PPP4R1: variants seen among roughly 807,000 people sequenced by gnomAD.
The protein encoded by PPP4R1 is protein phosphatase 4 regulatory subunit 1.
PPP4R1 carries 42 observed loss-of-function variants against 111.2 expected under a neutral mutation model. The observed-to-expected ratio is 0.38, with a 90% confidence interval of 0.29 to 0.49. PPP4R1 has a LOEUF of 0.49. Among genes scored for constraint, PPP4R1 ranks in the 20% least tolerant of loss-of-function variants. The probability of loss-of-function intolerance (pLI) is 0.97; values close to 1 mark genes in which losing one functional copy is unlikely to be tolerated. For missense variants in PPP4R1, 1,012 were observed against 1,161.6 expected (o/e 0.87, Z 1.87); for synonymous variants, 409 against 405.5 (o/e 1.01, Z -0.10).
chr18:9,565,928 T>A (rs2066757604), intron 11 of PPP4R1, among the ~76,000 whole-genome samples: 1 of 152,088 alleles, frequency 6.6e-6, no homozygotes, highest in Admixed American at 6.5e-5. Context: ...TTTTTTTTTT[T>A]GAGATGGAGT....
intron 11 of PPP4R1, among the ~76,000 whole-genome samples, chr18:9,568,177 T>C (rs920879692): frequency 6.6e-6 from 1 of 152,044 alleles, no homozygotes; most frequent in African/African-American, 2.4e-5. Context: ...GAGTGTGCAA[T>C]CATGCCCAGC....
intron 6 of PPP4R1, 29 bp downstream of exon 6, chr18:9,588,060 C>G: frequency 6.2e-7 from 1 of 1,612,652 alleles, no homozygotes; most frequent in Non-Finnish European, 8.5e-7. Flanking sequence ...CCACATTTTG[C>G]ATAAGTGGAA....
intron 4 of PPP4R1, among the ~76,000 whole-genome samples, chr18:9,593,074 G>A (rs1216363912): frequency 6.6e-6 from 1 of 152,072 alleles, no homozygotes; most frequent in East Asian, 1.9e-4. Flanking sequence ...GGCTTGCTGA[G>A]ATGCCAAAAA....
chr18:9,596,844 A>G (rs771159486), intron 2 of PPP4R1, among the ~76,000 whole-genome samples: 5 of 152,238 alleles, frequency 3.3e-5, no homozygotes, highest in African/African-American at 4.8e-5. Context: ...AGAGAACACA[A>G]CAGTTCCTTT....
chr18:9,588,727 G>T lies in PPP4R1; in HGVS notation c.422C>A (p.Ala141Glu). 1 of 1,611,018 alleles carries T rather than the reference G, an allele frequency of 6.2e-7. No homozygotes were observed. The highest frequency in any genetic ancestry group is 8.5e-7 in the Non-Finnish European group (1 of 1,177,832). The stretch of plus-strand genomic sequence containing the variant: ...TACTCTTACCTGATTATTCTGATCT[G>T]CAAGGTATCTAACCACAATAGGTAG... ...FLLPIVVRYL[A>E]DQNNQVRKTS... The change falls in exon 5 of 20, where the codon GCA (alanine) becomes GAA (glutamate). Residue 141 changes from alanine (A) to glutamate (E), a missense_variant. Coordinates refer to ENST00000400556, the MANE Select transcript of PPP4R1 (RefSeq NM_001042388.3).
At chr18:9,576,786 AG>A (rs1401557570) in intron 10 of PPP4R1, among the ~76,000 whole-genome samples, 1 of 152,198 alleles carries the variant, frequency 6.6e-6, no homozygotes, top group Non-Finnish European at 1.5e-5. Context: ...ATTTTTTAAA[AG>A]TCATAATCTA....
intron 10 of PPP4R1, among the ~76,000 whole-genome samples, chr18:9,574,698 T>C (rs2066911454): frequency 6.6e-6 from 1 of 152,130 alleles, no homozygotes; most frequent in Non-Finnish European, 1.5e-5. Context: ...TAGATGCCAA[T>C]ATGTAGCCAA....
intron 4 of PPP4R1, among the ~76,000 whole-genome samples, chr18:9,593,019 G>T (rs1159919066): frequency 6.6e-6 from 1 of 151,992 alleles, no homozygotes; most frequent in Non-Finnish European, 1.5e-5. Flanking sequence ...CCATTAAAAT[G>T]AACTGTTCAT....
At chr18:9,599,459 AAAC>A (rs1402809929) in intron 2 of PPP4R1, among the ~76,000 whole-genome samples, 4 of 152,224 alleles carry the variant, frequency 2.6e-5, no homozygotes, top group Non-Finnish European at 4.4e-5. Flanking sequence ...AACAAATGAG[AAAC>A]AACAAGATAA....
At chr18:9,607,438 C>G (rs1232714575) in intron 2 of PPP4R1, among the ~76,000 whole-genome samples, 2 of 151,788 alleles carry the variant, frequency 1.3e-5, no homozygotes, top group South Asian at 2.1e-4. Flanking sequence ...GGTCCATCTG[C>G]CTTTGTATAT....
At chr18:9,606,348 T>C (rs1405594736) in intron 2 of PPP4R1, among the ~76,000 whole-genome samples, 1 of 152,192 alleles carries the variant, frequency 6.6e-6, no homozygotes, top group East Asian at 1.9e-4. Context: ...CTTTCATTCA[T>C]TTCTGTATTG....
intron 18 of PPP4R1, 178 bp downstream of exon 18, chr18:9,549,874 G>C: frequency 2.2e-6 from 2 of 893,140 alleles, no homozygotes; most frequent in South Asian, 3.6e-5. Flanking sequence ...TGGCTAGCTG[G>C]GAGAGAGGGG....
intron 11 of PPP4R1, among the ~76,000 whole-genome samples, chr18:9,569,365 C>A (rs931035319): frequency 3.9e-5 from 6 of 152,148 alleles, no homozygotes; most frequent in Admixed American, 3.9e-4. Flanking sequence ...TTTCCTCCCC[C>A]ACGCCCGAGA....
chr18:9,575,080 A>G (rs2066917080), intron 10 of PPP4R1, among the ~76,000 whole-genome samples: 1 of 152,262 alleles, frequency 6.6e-6, no homozygotes, highest in East Asian at 1.9e-4. Context: ...AATGCTTCAA[A>G]GAGTAATAAA....
chr18:9,614,775 G>T (rs2067664182), upstream of PPP4R1: 1 of 147,434 alleles, frequency 6.8e-6, no homozygotes, highest in South Asian at 2.1e-4. This position sits in a 1 kb window ranked among gnomAD's most constrained non-coding sequence, Gnocchi z 4.1. Context: ...GCCGGGTCCC[G>T]GCCCGGCGAC....
chr18:9,575,292 T>C (rs963942408), intron 10 of PPP4R1, among the ~76,000 whole-genome samples: 7 of 152,304 alleles, frequency 4.6e-5, no homozygotes, highest in East Asian at 3.9e-4. Context: ...CAGTTAACTT[T>C]TGCATAATCA....
At chr18:9,605,273 T>C (rs1157288630) in intron 2 of PPP4R1, among the ~76,000 whole-genome samples, 2 of 151,888 alleles carry the variant, frequency 1.3e-5, no homozygotes, top group African/African-American at 4.8e-5. Flanking sequence ...AACAAATGAA[T>C]AGGGAGGAAG....
rs1356759863 is a variant in PPP4R1, at chr18:9,547,236, G to A, written c.*553C>T. ...GTTGGCATCAGGTCCTTTAGGAGAT[G>A]TAAAAACCCCTCCTTTCCCATTTGC... On this transcript the variant is annotated 3_prime_UTR_variant, in exon 20 of 20. Transcript: ENST00000400556. 6.5e-6 allele frequency: 1 copy of A among 153,664 alleles called. No homozygotes were observed. Among genetic ancestry groups the A allele is most frequent in the Non-Finnish European group, 1.5e-5 (1 of 68,756 alleles). 9.5% of individuals were successfully genotyped at this position (153,664 alleles called of 1,614,324 possible).
chr18:9,587,382 C>A (rs1598936075), intron 6 of PPP4R1: 1 of 144,976 alleles, frequency 6.9e-6, no homozygotes, highest in African/African-American at 2.6e-5. Context: ...CCTTTTCTTT[C>A]TTTCTTTCTT....
Sources: allele counts gnomAD v4.1 joint callset (sites outside exome capture counted in the v4.1 genomes callset), GRCh38; gene constraint gnomAD v4.1.1; non-coding constraint Gnocchi (gnomAD v3.1); transcripts MANE v1.5; gene names NCBI Gene and HGNC (gene_info 2026-07-23, HGNC 2026-07-21).